The following ENOX2 variants were observed in gnomAD, a reference collection of about 807,000 sequenced individuals.
ENOX2 encodes ecto-NOX disulfide-thiol exchanger 2.
In ENOX2, 36 loss-of-function variants were observed where a neutral mutation model predicts 45.0. That is an observed-to-expected ratio of 0.80 (90% confidence interval 0.61 to 1.06). The LOEUF (loss-of-function observed/expected upper bound fraction) is 1.06, where lower values mean the gene tolerates loss of function less well. Among genes scored for constraint, ENOX2 ranks in the 50% least tolerant of loss-of-function variants. The pLI, the probability that ENOX2 is intolerant of heterozygous loss-of-function variation, is 0.00. For missense variants in ENOX2, 423 were observed against 462.5 expected (o/e 0.91, Z 0.78); for synonymous variants, 174 against 152.3 (o/e 1.14, Z -1.05).
At chrX:130,779,570 A>G (rs1156519120) in intron 3 of ENOX2, among the ~76,000 whole-genome samples, 4 of 111,259 alleles carry the variant, frequency 3.6e-5, no homozygotes, top group Non-Finnish European at 7.5e-5. Flanking sequence ...CAAATGTCTG[A>G]GTAGCCTTTA....
chrX:130,810,614 C>G (rs1466392668), intron 2 of ENOX2, among the ~76,000 whole-genome samples: 1 of 111,976 alleles, frequency 8.9e-6, no homozygotes. Flanking sequence ...AATGTCAGGT[C>G]AGCACCCTGA....
intron 12 of ENOX2, 93 bp downstream of exon 12, chrX:130,634,891 T>C: frequency 2.1e-6 from 1 of 482,699 alleles, no homozygotes; most frequent in Non-Finnish European, 3.5e-6. Flanking sequence ...TTTGGCCCCA[T>C]TGATTTCTAG....
At chrX:130,850,079 C>G (rs1221995683) in intron 2 of ENOX2, among the ~76,000 whole-genome samples, 1 of 111,984 alleles carries the variant, frequency 8.9e-6, no homozygotes, top group Admixed American at 9.5e-5. Context: ...TGAAATTTTC[C>G]TCACCTACAT....
chrX:130,737,973 C>T (rs1000259650), intron 3 of ENOX2, among the ~76,000 whole-genome samples: 1 of 111,926 alleles, frequency 8.9e-6, no homozygotes, highest in Non-Finnish European at 1.9e-5. Flanking sequence ...AGAGAAGGAG[C>T]ACAGACATGC....
chrX:130,694,911 T>C (rs987146725), intron 4 of ENOX2, among the ~76,000 whole-genome samples: 1 of 111,619 alleles, frequency 9.0e-6, no homozygotes, highest in Admixed American at 9.5e-5. Context: ...ACTCATTAAT[T>C]GGCTACTTAT....
At chrX:130,822,326 C>G (rs1433400103) in intron 2 of ENOX2, among the ~76,000 whole-genome samples, 2 of 112,024 alleles carry the variant, frequency 1.8e-5, no homozygotes, top group African/African-American at 3.2e-5. Context: ...AATAGAAATA[C>G]TACTTCAAAT....
At chrX:130,805,748 T>C (rs748489784) in intron 2 of ENOX2, among the ~76,000 whole-genome samples, 1 of 111,760 alleles carries the variant, frequency 8.9e-6, no homozygotes, top group East Asian at 2.8e-4. Context: ...ATTAGAGGCA[T>C]GGAACTGAGG....
chrX:130,716,462 C>T (rs1217671203), intron 3 of ENOX2, among the ~76,000 whole-genome samples: 1 of 112,115 alleles, frequency 8.9e-6, no homozygotes, highest in Non-Finnish European at 1.9e-5. Context: ...CCTGATCCCC[C>T]CATCTGTGGT....
At chrX:130,728,001 A>G (rs1018886088) in intron 3 of ENOX2, among the ~76,000 whole-genome samples, 1 of 111,260 alleles carries the variant, frequency 9.0e-6, no homozygotes, top group African/African-American at 3.3e-5. Context: ...GGCCCTTTAT[A>G]TATTTTTCCT....
At chrX:130,740,107 A>G (rs2038947578) in intron 3 of ENOX2, among the ~76,000 whole-genome samples, 1 of 112,368 alleles carries the variant, frequency 8.9e-6, no homozygotes, top group South Asian at 3.7e-4. Context: ...CTGACCTCAC[A>G]AAGATTCATA....
intron 2 of ENOX2, among the ~76,000 whole-genome samples, chrX:130,897,554 T>C (rs1231044298): frequency 1.8e-5 from 2 of 112,569 alleles, no homozygotes; most frequent in East Asian, 5.5e-4. Flanking sequence ...ATGTGTTTAA[T>C]ATTTTTGCTC....
At chrX:130,871,024 A>G (rs894656336) in intron 2 of ENOX2, among the ~76,000 whole-genome samples, 4 of 110,750 alleles carry the variant, frequency 3.6e-5, no homozygotes, top group Non-Finnish European at 5.7e-5. Context: ...GCATTTCTAT[A>G]TGCTTCCACT....
chrX:130,820,269 C>A (rs951501866), intron 2 of ENOX2, among the ~76,000 whole-genome samples: 9 of 112,103 alleles, frequency 8.0e-5, no homozygotes, highest in African/African-American at 2.9e-4. Context: ...GTTATCACCC[C>A]ACACCTGACA....
chrX:130,832,677 G>A (rs2077857282), intron 2 of ENOX2, among the ~76,000 whole-genome samples: 1 of 110,921 alleles, frequency 9.0e-6, no homozygotes, highest in South Asian at 3.8e-4. Context: ...TAAATTTCCT[G>A]TACTAGTTTC....
chrX:130,693,204 A>G (rs914251558), intron 4 of ENOX2, among the ~76,000 whole-genome samples: 1 of 111,832 alleles, frequency 8.9e-6, no homozygotes, highest in African/African-American at 3.3e-5. Context: ...GACAGGTCCT[A>G]TGTCAGGTGT....
At chrX:130,647,301 T>C (rs940418734) in intron 10 of ENOX2, among the ~76,000 whole-genome samples, 3 of 112,692 alleles carry the variant, frequency 2.7e-5, no homozygotes, top group African/African-American at 9.7e-5. Context: ...GCTTGCTGTA[T>C]GTGTTCATTC....
At chrX:130,857,643 C>T (rs758973190) in intron 2 of ENOX2, among the ~76,000 whole-genome samples, 13 of 111,597 alleles carry the variant, frequency 1.2e-4, no homozygotes, top group Non-Finnish European at 2.1e-4. Flanking sequence ...TCCCCACATA[C>T]ACACAAATAA....
At chrX:130,645,594 G>T in intron 10 of ENOX2, 1 of 325,068 alleles carries the variant, frequency 3.1e-6, no homozygotes. Flanking sequence ...TTTTTAAAAT[G>T]GATCAAAGCA....
At chrX:130,710,861 GT>G (rs1044502369) in intron 3 of ENOX2, among the ~76,000 whole-genome samples, 2 of 111,945 alleles carry the variant, frequency 1.8e-5, no homozygotes, top group African/African-American at 6.5e-5. Context: ...AATGATCCTT[GT>G]TGTGGGAAGT....
Sources: allele counts gnomAD v4.1 joint callset (sites outside exome capture counted in the v4.1 genomes callset), GRCh38; gene constraint gnomAD v4.1.1; transcripts MANE v1.5; gene names NCBI Gene and HGNC (gene_info 2026-07-23, HGNC 2026-07-21).